DIAPH3: variants seen among roughly 807,000 people sequenced by gnomAD.
DIAPH3 encodes the protein diaphanous related formin 3.
Under a neutral mutation model 144.3 loss-of-function variants are expected in DIAPH3, and 117 were observed. The ratio of observed to expected loss-of-function variants is 0.81; its 90% confidence interval spans 0.70 to 0.95. The LOEUF (loss-of-function observed/expected upper bound fraction) is 0.95, where lower values mean the gene tolerates loss of function less well. DIAPH3 is among the 40% of genes least tolerant of loss of function. The probability of loss-of-function intolerance (pLI) is 0.00; values close to 1 mark genes in which losing one functional copy is unlikely to be tolerated. For synonymous variants in DIAPH3, 519 were observed against 488.9 expected, an observed-to-expected ratio of 1.06 and a Z score of -0.81; for missense variants, 1,421 against 1,412.7, an observed-to-expected ratio of 1.01 and a Z score of -0.09.
At chr13:60,117,171 T>C (rs2058724692) in intron 2 of DIAPH3, among the ~76,000 whole-genome samples, 1 of 152,010 alleles carries the variant, frequency 6.6e-6, no homozygotes, top group African/African-American at 2.4e-5. Flanking sequence ...CTACCCCATA[T>C]GCTTAGCACC....
intron 22 of DIAPH3, among the ~76,000 whole-genome samples, chr13:59,851,503 G>C (rs2042967347): frequency 6.6e-6 from 1 of 152,092 alleles, no homozygotes; most frequent in Non-Finnish European, 1.5e-5. Context: ...TTCTTTCATT[G>C]GCTTGGTTCT....
intron 3 of DIAPH3, among the ~76,000 whole-genome samples, chr13:60,110,153 G>A (rs558806169): frequency 6.6e-6 from 1 of 152,266 alleles, no homozygotes; most frequent in Admixed American, 6.5e-5. Context: ...GAAAAGAGGT[G>A]TTCTTCAAAA....
intron 2 of DIAPH3, among the ~76,000 whole-genome samples, chr13:60,123,095 T>C (rs1017261932): frequency 1.3e-5 from 2 of 152,140 alleles, no homozygotes; most frequent in Non-Finnish European, 2.9e-5. Flanking sequence ...ATCCATTTCA[T>C]TGGTATGCCA....
At chr13:60,067,642 T>A (rs941458587) in intron 4 of DIAPH3, among the ~76,000 whole-genome samples, 1 of 152,226 alleles carries the variant, frequency 6.6e-6, no homozygotes, top group Non-Finnish European at 1.5e-5. Flanking sequence ...AAAAGTGGAC[T>A]GTAAATATGG....
chr13:59,697,775 T>C (rs370419087), intron 27 of DIAPH3, among the ~76,000 whole-genome samples: 34 of 152,254 alleles, frequency 2.2e-4, no homozygotes, highest in African/African-American at 7.5e-4. Flanking sequence ...AGATTACCTA[T>C]TGATAAAAGG....
chr13:59,761,087 T>C (rs2037556403), intron 27 of DIAPH3, among the ~76,000 whole-genome samples: 1 of 152,190 alleles, frequency 6.6e-6, no homozygotes, highest in Non-Finnish European at 1.5e-5. Context: ...CATTATAGCA[T>C]TCTTAATGCA....
chr13:59,795,360 G>C (rs1460737546), intron 25 of DIAPH3, among the ~76,000 whole-genome samples: 2 of 151,856 alleles, frequency 1.3e-5, no homozygotes, highest in Non-Finnish European at 2.9e-5. Context: ...ATTACTATAG[G>C]GCCTGGCCAC....
Position 59,810,808 on chromosome 13 carries a change from C to A in DIAPH3, c.3143G>T (p.Arg1048Leu). Residue 1048 changes from arginine (R) to leucine (L), a missense_variant, in exon 25 of 28, where the codon CGT becomes CTT. Arg to Leu is a moderately radical substitution (Grantham distance 102, BLOSUM62 -2). Transcript: ENST00000400324. ...CTCACCAGTCTTCATTTCTAATAAACGCTTTTTCTTTTGTTGGCGTTCGAG... is the reference window on the plus strand; with the variant it reads ...CTCACCAGTCTTCATTTCTAATAAAAGCTTTTTCTTTTGTTGGCGTTCGAG... ...ERLERQQKKK[R>L]LLEMKTEGDE... is the part of the protein sequence containing the mutation. 1 of 1,613,422 alleles carries A rather than the reference C, an allele frequency of 6.2e-7. No homozygotes were observed.
intron 27 of DIAPH3, among the ~76,000 whole-genome samples, chr13:59,737,766 C>A (rs1348125526): frequency 6.6e-6 from 1 of 152,182 alleles, no homozygotes; most frequent in Non-Finnish European, 1.5e-5. Context: ...CAACAAAACA[C>A]TGGCCATTAT....
chr13:59,685,602 C>G (rs1276160282), intron 27 of DIAPH3, among the ~76,000 whole-genome samples: 1 of 152,050 alleles, frequency 6.6e-6, no homozygotes, highest in Non-Finnish European at 1.5e-5. Flanking sequence ...AAGACAGAAC[C>G]AGAATGAAAA....
rs1346287390 is a variant in DIAPH3 at position 59,980,839 on chromosome 13, T to C, written c.1501A>G (p.Lys501Glu). The change falls in exon 14 of 28, where the codon AAA becomes GAA. Residue 501 changes from lysine (K) to glutamate (E), a missense_variant. Coordinates refer to ENST00000400324, the MANE Select transcript of DIAPH3 (RefSeq NM_001042517.2). ...QFVDICIDQA[K>E]LEEFEEKASE... is the part of the protein sequence containing the mutation. ...GCTTTCTCTTCAAACTCTTCTAGTT[T>C]TGCTTGATCTATGCAAATGTCTAAA... 1 of 1,609,346 alleles carries C rather than the reference T, an allele frequency of 6.2e-7. No individual in the cohort carries two copies. The highest frequency in any genetic ancestry group is 8.5e-7 in the Non-Finnish European group (1 of 1,177,314).
intron 17 of DIAPH3, among the ~76,000 whole-genome samples, chr13:59,962,962 T>C (rs1056942753): frequency 1.3e-5 from 2 of 152,206 alleles, no homozygotes; most frequent in Admixed American, 6.5e-5. Context: ...GTTTGTTACC[T>C]ATAATTGAAG....
intron 17 of DIAPH3, among the ~76,000 whole-genome samples, chr13:59,942,744 AC>A (rs953892469): frequency 2.6e-5 from 4 of 152,172 alleles, no homozygotes; most frequent in African/African-American, 9.6e-5. Context: ...ATACAAATAT[AC>A]AATTGAAGGG....
chr13:59,741,310 G>T (rs907842082), intron 27 of DIAPH3, among the ~76,000 whole-genome samples: 1 of 152,256 alleles, frequency 6.6e-6, no homozygotes, highest in East Asian at 1.9e-4. Flanking sequence ...AATATCTATA[G>T]AGGGGAAAGA....
intron 27 of DIAPH3, among the ~76,000 whole-genome samples, chr13:59,729,730 C>T (rs2138969906): frequency 6.6e-6 from 1 of 151,292 alleles, no homozygotes; most frequent in Admixed American, 6.6e-5. Context: ...TGGTTATGTA[C>T]TAGATATTAC....
chr13:59,828,060 G>A (rs1183495010), intron 24 of DIAPH3, among the ~76,000 whole-genome samples: 1 of 151,970 alleles, frequency 6.6e-6, no homozygotes, highest in Non-Finnish European at 1.5e-5. Context: ...CATGAATAAA[G>A]GTATGAACTT....
intron 5 of DIAPH3, among the ~76,000 whole-genome samples, chr13:60,029,470 C>A (rs2054624504): frequency 6.6e-6 from 1 of 152,184 alleles, no homozygotes; most frequent in Non-Finnish European, 1.5e-5. Flanking sequence ...ATGTCAAGGG[C>A]AGTACCAGGT....
chr13:59,771,322 A>G (rs2038106844), intron 27 of DIAPH3, among the ~76,000 whole-genome samples: 1 of 152,170 alleles, frequency 6.6e-6, no homozygotes, highest in South Asian at 2.1e-4. Context: ...TTTTTTACCC[A>G]AGCTTTCTAT....
intron 2 of DIAPH3, among the ~76,000 whole-genome samples, chr13:60,123,515 G>C (rs760148000): frequency 5.9e-5 from 9 of 152,132 alleles, no homozygotes; most frequent in Non-Finnish European, 8.8e-5. Flanking sequence ...AAGATTCTAA[G>C]ATAGTACTTA....
Sources: gnomAD v4.1 joint callset for allele counts (sites outside exome capture counted in the v4.1 genomes callset) on GRCh38, gnomAD v4.1.1 for gene constraint, MANE v1.5 for transcripts, NCBI Gene and HGNC (gene_info 2026-07-23, HGNC 2026-07-21) for gene names.